The following CTNND2 variants were observed in gnomAD, a reference collection of about 807,000 sequenced individuals.
The protein encoded by CTNND2 is catenin delta 2.
Under a neutral mutation model 144.4 loss-of-function variants are expected in CTNND2, and 22 were observed. The observed-to-expected ratio is 0.15, with a 90% confidence interval of 0.11 to 0.22. CTNND2 has a LOEUF of 0.22. Ranked by LOEUF, CTNND2 falls within the 10% of genes least tolerant of loss-of-function variation. The pLI, the probability that CTNND2 is intolerant of heterozygous loss-of-function variation, is 1.00. For missense variants in CTNND2, 1,353 were observed against 1,618.8 expected (o/e 0.84, Z 2.82); for synonymous variants, 751 against 695.6 (o/e 1.08, Z -1.25).
intron 3 of CTNND2, among the ~76,000 whole-genome samples, chr5:11,486,433 G>A (rs899688212): frequency 1.3e-5 from 2 of 152,216 alleles, no homozygotes; most frequent in African/African-American, 4.8e-5. Flanking sequence ...ACTTGTTCAA[G>A]TTGGCAGAAA....
intron 1 of CTNND2, among the ~76,000 whole-genome samples, chr5:11,798,976 C>T (rs1296607481): frequency 2.0e-5 from 3 of 152,048 alleles, no homozygotes; most frequent in Admixed American, 6.6e-5. Flanking sequence ...AGGTAACAGG[C>T]AGTTTCATTC....
chr5:10,980,786 A>C (rs1045365446), intron 21 of CTNND2, among the ~76,000 whole-genome samples: 3 of 152,190 alleles, frequency 2.0e-5, no homozygotes, highest in African/African-American at 2.4e-5. Flanking sequence ...TTCTCAGGAA[A>C]CTATCACAAG....
At chr5:11,638,123 C>T (rs73743003) in intron 2 of CTNND2, among the ~76,000 whole-genome samples, 2,515 of 152,230 alleles carry the variant, frequency 0.017, 71 homozygotes, top group African/African-American at 0.058. Flanking sequence ...CAGTGTTTCC[C>T]TGTTACTAGC....
chr5:11,283,638 C>T (rs1240969052), intron 9 of CTNND2, among the ~76,000 whole-genome samples: 1 of 115,892 alleles, frequency 8.6e-6, no homozygotes, highest in Non-Finnish European at 1.6e-5. Context: ...TATGCCATTG[C>T]ACTCCAGCCT....
intron 1 of CTNND2, among the ~76,000 whole-genome samples, chr5:11,889,341 T>G (rs148254816): frequency 1.3e-5 from 2 of 152,320 alleles, no homozygotes; most frequent in African/African-American, 4.8e-5. Flanking sequence ...GATTTTAAGA[T>G]ACAATTTAGA....
chr5:11,583,591 T>C (rs1778602935), intron 2 of CTNND2, among the ~76,000 whole-genome samples: 1 of 152,220 alleles, frequency 6.6e-6, no homozygotes, highest in African/African-American at 2.4e-5. Context: ...GTCTAACATG[T>C]AGGGCCCTTG....
chr5:11,054,762 T>C (rs1746183700), intron 16 of CTNND2, among the ~76,000 whole-genome samples: 1 of 152,112 alleles, frequency 6.6e-6, no homozygotes, highest in Non-Finnish European at 1.5e-5. Flanking sequence ...TTGGGGAGCA[T>C]CATTTATTTT....
At chr5:11,850,600 G>C (rs941607643) in intron 1 of CTNND2, among the ~76,000 whole-genome samples, 1 of 152,128 alleles carries the variant, frequency 6.6e-6, no homozygotes, top group Admixed American at 6.6e-5. Flanking sequence ...AAAAAATAAT[G>C]GGAGTTCTTT....
intron 2 of CTNND2, among the ~76,000 whole-genome samples, chr5:11,697,914 A>C (rs1785212023): frequency 1.3e-5 from 2 of 152,204 alleles, no homozygotes; most frequent in Admixed American, 1.3e-4. Context: ...GTCTGGGAGG[A>C]GATTTCTCTG....
intron 1 of CTNND2, among the ~76,000 whole-genome samples, chr5:11,770,215 A>G (rs142838850): frequency 1.3e-5 from 2 of 152,260 alleles, no homozygotes; most frequent in African/African-American, 4.8e-5. Context: ...AGAAGAATGG[A>G]AACCTGGTCT....
intron 1 of CTNND2, among the ~76,000 whole-genome samples, chr5:11,788,594 CATT>C (rs1408644225): frequency 1.3e-5 from 2 of 152,124 alleles, no homozygotes; most frequent in Non-Finnish European, 2.9e-5. Context: ...CTAGTTATAT[CATT>C]GTTTTAAGAG....
chr5:11,892,012 G>A (rs886312366), intron 1 of CTNND2, among the ~76,000 whole-genome samples: 2 of 152,144 alleles, frequency 1.3e-5, no homozygotes, highest in Non-Finnish European at 2.9e-5. Context: ...TTGTCAAAAC[G>A]TCCTACCATC....
chr5:11,402,808 T>C (rs1205178810), intron 5 of CTNND2, among the ~76,000 whole-genome samples: 1 of 152,252 alleles, frequency 6.6e-6, no homozygotes, highest in East Asian at 1.9e-4. Flanking sequence ...CCAGAATATC[T>C]ATTTCGTCTG....
At chr5:11,806,049 C>G (rs1791977145) in intron 1 of CTNND2, among the ~76,000 whole-genome samples, 1 of 152,046 alleles carries the variant, frequency 6.6e-6, no homozygotes, top group South Asian at 2.1e-4. Flanking sequence ...GTTATTAAAA[C>G]AAGGAAAGTC....
intron 3 of CTNND2, among the ~76,000 whole-genome samples, chr5:11,463,450 T>C (rs1158640517): frequency 6.6e-6 from 1 of 152,216 alleles, no homozygotes; most frequent in Non-Finnish European, 1.5e-5. Flanking sequence ...CTCAGGTTTA[T>C]AAGCACATAC....
At chr5:11,692,543 C>A (rs1167985022) in intron 2 of CTNND2, among the ~76,000 whole-genome samples, 2 of 152,204 alleles carry the variant, frequency 1.3e-5, no homozygotes, top group Non-Finnish European at 2.9e-5. Context: ...CAAGAGGCAG[C>A]TGGGTGTGTG....
Position 11,346,566 on chromosome 5 carries a change from T to C in CTNND2, c.1434A>G (p.Pro478=), listed in dbSNP as rs768234375. 6.2e-7 allele frequency: 1 copy of C among 1,600,112 alleles called. No individual in the cohort carries two copies. The highest frequency in any genetic ancestry group is 1.1e-5 in the South Asian group (1 of 88,740). The change falls in exon 9 of 22, where the codon CCA becomes CCG. Residue 478 remains proline (P), a synonymous_variant. Coordinates refer to ENST00000304623, the MANE Select transcript of CTNND2 (RefSeq NM_001332.4). The stretch of plus-strand genomic sequence containing the variant: ...GGAAGGTGGCCGCGGCGGCATTCTG[T>C]GGGCCGTGCTGGCTGCCTGTGCGCT... The part of the protein sequence containing the change: ...PLQRTGSQHG[P]QNAAAATFQR...
chr5:11,380,488 T>A (rs562301048), intron 7 of CTNND2, among the ~76,000 whole-genome samples: 3 of 152,338 alleles, frequency 2.0e-5, no homozygotes, highest in Admixed American at 2.0e-4. Flanking sequence ...CGGTGAGCAA[T>A]GAGCCTACCA....
intron 3 of CTNND2, among the ~76,000 whole-genome samples, chr5:11,555,827 A>T (rs1776188466): frequency 6.6e-6 from 1 of 152,178 alleles, no homozygotes; most frequent in East Asian, 1.9e-4. Context: ...CTGGAATTTA[A>T]ATTGGAAGAA....
Sources: gnomAD v4.1 joint callset for allele counts (sites outside exome capture counted in the v4.1 genomes callset) on GRCh38, gnomAD v4.1.1 for gene constraint, MANE v1.5 for transcripts, NCBI Gene and HGNC (gene_info 2026-07-23, HGNC 2026-07-21) for gene names.